The following CTTNBP2 variants were observed in gnomAD, a reference collection of about 807,000 sequenced individuals.
CTTNBP2 encodes cortactin binding protein 2.
A neutral mutation model predicts 156.9 loss-of-function variants in CTTNBP2; 108 were observed. That is an observed-to-expected ratio of 0.69 (90% CI 0.59 to 0.81). CTTNBP2 has a LOEUF of 0.81. CTTNBP2 is among the 30% of genes least tolerant of loss of function. The probability of loss-of-function intolerance (pLI) is 0.00; values close to 1 mark genes in which losing one functional copy is unlikely to be tolerated. For synonymous variants in CTTNBP2, 767 were observed against 751.8 expected, an observed-to-expected ratio of 1.02 and a Z score of -0.33; for missense variants, 1,924 against 2,035.4, an observed-to-expected ratio of 0.95 and a Z score of 1.05.
chr7:117,753,253 C>A (rs965084197), intron 12 of CTTNBP2, among the ~76,000 whole-genome samples: 7 of 152,116 alleles, frequency 4.6e-5, no homozygotes, highest in Non-Finnish European at 1.0e-4. Flanking sequence ...CCAGAGACAA[C>A]AGATGCTGGC....
intron 8 of CTTNBP2, among the ~76,000 whole-genome samples, chr7:117,770,208 A>C (rs1261610673): frequency 6.6e-6 from 1 of 152,230 alleles, no homozygotes; most frequent in East Asian, 1.9e-4. Context: ...AGAAATGATA[A>C]AAGGGGTAAC....
chr7:117,829,181 C>T (rs181310148), intron 2 of CTTNBP2, among the ~76,000 whole-genome samples: 5 of 152,290 alleles, frequency 3.3e-5, no homozygotes, highest in East Asian at 3.9e-4. Flanking sequence ...CACATAACAG[C>T]GCTTGTTGGA....
At chr7:117,778,953 A>G (rs930005009) in intron 7 of CTTNBP2, among the ~76,000 whole-genome samples, 1 of 152,224 alleles carries the variant, frequency 6.6e-6, no homozygotes, top group African/African-American at 2.4e-5. Flanking sequence ...ACAGAGAAAT[A>G]GGCAATAAAT....
intron 3 of CTTNBP2, among the ~76,000 whole-genome samples, chr7:117,796,184 C>G (rs770330714): frequency 6.6e-6 from 1 of 152,196 alleles, no homozygotes; most frequent in Non-Finnish European, 1.5e-5. Flanking sequence ...TTGGACTTTC[C>G]TTCAGCACTT....
At chr7:117,827,704 C>T (rs1029849672) in intron 2 of CTTNBP2, among the ~76,000 whole-genome samples, 1 of 152,044 alleles carries the variant, frequency 6.6e-6, no homozygotes, top group Non-Finnish European at 1.5e-5. Flanking sequence ...GCTGTGGAAA[C>T]AAGAGTTAAC....
intron 8 of CTTNBP2, 108 bp downstream of exon 8, chr7:117,777,403 T>A: frequency 2.8e-6 from 3 of 1,082,706 alleles, no homozygotes; most frequent in Non-Finnish European, 4.1e-6. Context: ...TGCAATTGTA[T>A]CACTCAGTCT....
At chr7:117,795,824 T>C (rs999929344) in intron 3 of CTTNBP2, among the ~76,000 whole-genome samples, 1 of 152,206 alleles carries the variant, frequency 6.6e-6, no homozygotes, top group Non-Finnish European at 1.5e-5. Context: ...TAATAAAAGT[T>C]TACCGCAGAG....
intron 16 of CTTNBP2, 49 bp from the exon 17 acceptor site, chr7:117,728,316 GT>G: frequency 7.4e-7 from 1 of 1,350,124 alleles, no homozygotes; most frequent in South Asian, 1.3e-5. Flanking sequence ...AGAACATTTT[GT>G]TTTTAGAAGC....
chr7:117,805,527 A>G (rs1410162405), intron 3 of CTTNBP2, among the ~76,000 whole-genome samples: 1 of 152,224 alleles, frequency 6.6e-6, no homozygotes, highest in Non-Finnish European at 1.5e-5. Context: ...GTATGTAATA[A>G]CAACATCCTA....
intron 8 of CTTNBP2, among the ~76,000 whole-genome samples, chr7:117,774,515 A>G (rs1331469990): frequency 1.3e-5 from 2 of 152,150 alleles, no homozygotes; most frequent in African/African-American, 4.8e-5. Context: ...TGGTGGCATT[A>G]GACTCTCATA....
intron 1 of CTTNBP2, among the ~76,000 whole-genome samples, chr7:117,863,054 A>G (rs1041773813): frequency 2.0e-5 from 3 of 152,222 alleles, no homozygotes; most frequent in African/African-American, 7.2e-5. Flanking sequence ...TATACATAGC[A>G]AAGACAATAA....
At chr7:117,780,229 G>C (rs1798342728) in intron 7 of CTTNBP2, among the ~76,000 whole-genome samples, 2 of 152,170 alleles carry the variant, frequency 1.3e-5, no homozygotes, top group African/African-American at 4.8e-5. Context: ...ATTAATCTGA[G>C]GCTCAGAGGT....
At chr7:117,787,439 T>C (rs188415676) in intron 4 of CTTNBP2, among the ~76,000 whole-genome samples, 2 of 152,330 alleles carry the variant, frequency 1.3e-5, no homozygotes, top group East Asian at 3.9e-4. Context: ...ATCATTCTTG[T>C]TTTCTGATTT....
At chr7:117,730,771 A>C (rs113099820) in intron 16 of CTTNBP2, among the ~76,000 whole-genome samples, 2 of 152,178 alleles carry the variant, frequency 1.3e-5, no homozygotes, top group African/African-American at 4.8e-5. Context: ...AATAACCCTA[A>C]ATTTTCATGG....
chr7:117,757,918 A>G lies in CTTNBP2; in HGVS notation c.3225T>C (p.Phe1075=). The change falls in exon 11 of 23, where the codon TTT becomes TTC. Residue 1075 remains phenylalanine (F), a synonymous_variant. Transcript: ENST00000160373. ...TGTGCTCTGCCTTATTCTTCCTCATAAAGTCCCACGGGGACTGCGCGAAGC... is the reference window on the plus strand; with the variant it reads ...TGTGCTCTGCCTTATTCTTCCTCATGAAGTCCCACGGGGACTGCGCGAAGC... The part of the protein sequence containing the change: ...GQSFAQSPWD[F]MRKNKAEHIT... 1.2e-6 allele frequency: 2 copies of G among 1,613,484 alleles called. No individual in the cohort carries two copies. The highest frequency in any genetic ancestry group is 1.1e-5 in the South Asian group (1 of 90,956).
chr7:117,766,087 C>T (rs892462751), intron 9 of CTTNBP2, among the ~76,000 whole-genome samples: 1 of 152,130 alleles, frequency 6.6e-6, no homozygotes, highest in African/African-American at 2.4e-5. Context: ...ACAGCATTTA[C>T]ATTCCATAAT....
chr7:117,806,744 ATTTTTTTTTTT>A, intron 3 of CTTNBP2, among the ~76,000 whole-genome samples: 1 of 119,224 alleles, frequency 8.4e-6, no homozygotes, highest in Non-Finnish European at 1.7e-5. Context: ...TCTTTTTCTC[ATTTTTTTTTTT>A]TTTTTTTTTT....
chr7:117,737,654 A>T (rs923647215), intron 14 of CTTNBP2, among the ~76,000 whole-genome samples: 1 of 151,698 alleles, frequency 6.6e-6, no homozygotes, highest in Non-Finnish European at 1.5e-5. Context: ...GCTCACTGCA[A>T]CCTCCACCTC....
intron 8 of CTTNBP2, among the ~76,000 whole-genome samples, chr7:117,772,176 A>G (rs1037703295): frequency 2.6e-5 from 4 of 152,208 alleles, no homozygotes; most frequent in African/African-American, 4.8e-5. Flanking sequence ...GGCCCCTCAC[A>G]TGGCAATGTA....
Sources: gnomAD v4.1 joint callset for allele counts (sites outside exome capture counted in the v4.1 genomes callset) on GRCh38, gnomAD v4.1.1 for gene constraint, MANE v1.5 for transcripts, NCBI Gene and HGNC (gene_info 2026-07-23, HGNC 2026-07-21) for gene names.